The following RAB39A variants were observed in gnomAD, a reference collection of about 807,000 sequenced individuals.
RAB39A encodes the protein ras-related protein Rab-39A.
RAB39A carries 17 observed loss-of-function variants against 20.9 expected under a neutral mutation model. The observed-to-expected ratio is 0.81, with a 90% CI of 0.56 to 1.22. RAB39A has a LOEUF of 1.22. Ranked by LOEUF, RAB39A falls within the 50% of genes most tolerant of loss-of-function variation. The probability of loss-of-function intolerance (pLI) is 0.00; values close to 1 mark genes in which losing one functional copy is unlikely to be tolerated. For synonymous variants in RAB39A, 99 were observed against 103.4 expected, an observed-to-expected ratio of 0.96 and a Z score of 0.26; for missense variants, 234 against 270.5, an observed-to-expected ratio of 0.87 and a Z score of 0.95.
At chr11:107,941,115 T>C (rs1452183681) in intron 1 of RAB39A, among the ~76,000 whole-genome samples, 1 of 152,178 alleles carries the variant, frequency 6.6e-6, no homozygotes, top group Non-Finnish European at 1.5e-5. Context: ...CATTTTTCTT[T>C]ACAGTAGCAT....
intron 1 of RAB39A, among the ~76,000 whole-genome samples, chr11:107,929,915 A>T (rs997082215): frequency 1.3e-5 from 2 of 152,320 alleles, no homozygotes; most frequent in African/African-American, 4.8e-5. Flanking sequence ...ATTTTGCGTT[A>T]GTCAGCAAGT....
chr11:107,938,129 G>A (rs189540432), intron 1 of RAB39A, among the ~76,000 whole-genome samples: 1 of 151,612 alleles, frequency 6.6e-6, no homozygotes, highest in Non-Finnish European at 1.5e-5. Context: ...TTGGGAGGCC[G>A]AGCCGGGCGG....
chr11:107,941,529 A>T (rs1861258629), intron 1 of RAB39A, among the ~76,000 whole-genome samples: 1 of 152,218 alleles, frequency 6.6e-6, no homozygotes, highest in South Asian at 2.1e-4. Context: ...GAGAGTCCCT[A>T]ATTTTTGTCC....
chr11:107,935,397 CAG>C (rs1281921550), intron 1 of RAB39A, among the ~76,000 whole-genome samples: 1 of 149,646 alleles, frequency 6.7e-6, no homozygotes, highest in Non-Finnish European at 1.5e-5. Flanking sequence ...TTTTTGGAGA[CAG>C]AGTCTGGCTC....
chr11:107,957,812 T>C (rs2134974162), intron 1 of RAB39A, among the ~76,000 whole-genome samples: 1 of 152,308 alleles, frequency 6.6e-6, no homozygotes, highest in African/African-American at 2.4e-5. Context: ...CCTTCCTTGC[T>C]TCTGTTCTTT....
chr11:107,928,704 G>A lies in RAB39A; in HGVS notation c.136G>A (p.Gly46Ser). 2 of 1,611,316 alleles carry A rather than the reference G, an allele frequency of 1.2e-6. No individual in the cohort carries two copies. The highest frequency in any genetic ancestry group is 2.2e-5 in the South Asian group (2 of 90,700). ...LRSPACDPTV[G>S]VDFFSRLLEI... ...CTCCCCCGCCTGCGACCCCACCGTCGGCGTGGACTTCTTCTCCCGCCTGCT... is the reference window on the plus strand; with the variant it reads ...CTCCCCCGCCTGCGACCCCACCGTCAGCGTGGACTTCTTCTCCCGCCTGCT... The change falls in exon 1 of 2, where the codon GGC becomes AGC. Residue 46 changes from glycine to serine, a missense_variant. Physicochemically the swap from Gly to Ser is moderately conservative, Grantham distance 56. Transcript: ENST00000320578. The surrounding 1 kb of genome is among the most constrained non-coding windows in gnomAD (Gnocchi z 4.9).
In RAB39A at chr11:107,962,241, A is replaced by G. The variant is rs146648885; in HGVS notation, c.523A>G (p.Ile175Val). The stretch of plus-strand genomic sequence containing the variant: ...ATCCTTCACAATCTTGACGAGAGAC[A>G]TATATGAACTTATTAAAAAGGGAGA... The part of the protein sequence containing the change: ...EESFTILTRD[I>V]YELIKKGEIC... The change falls in exon 2 of 2, where the codon ATA becomes GTA. Residue 175 changes from isoleucine (I) to valine (V), a missense_variant. Physicochemically the swap from Ile to Val is conservative, Grantham distance 29. Coordinates refer to ENST00000320578, the MANE Select transcript of RAB39A (RefSeq NM_017516.3). The G allele has an allele frequency of 1.0e-4, 163 of 1,614,000 alleles. No homozygotes were observed. In the African/African-American group the frequency reaches 1.8e-3, roughly 18 times the overall value.
chr11:107,933,431 G>T (rs1398336480), intron 1 of RAB39A, among the ~76,000 whole-genome samples: 1 of 137,592 alleles, frequency 7.3e-6, no homozygotes, highest in Non-Finnish European at 1.5e-5. Flanking sequence ...CCTGGGGCTG[G>T]AGTGCAGTGA....
chr11:107,946,830 T>C (rs11212455), intron 1 of RAB39A, among the ~76,000 whole-genome samples: 6 of 151,692 alleles, frequency 4.0e-5, no homozygotes, highest in Non-Finnish European at 5.9e-5. Context: ...GCTCACACCT[T>C]TAATCCTAGC....
intron 1 of RAB39A, among the ~76,000 whole-genome samples, chr11:107,955,370 C>T (rs913092620): frequency 9.9e-5 from 15 of 152,168 alleles, no homozygotes; most frequent in Admixed American, 2.0e-4. Context: ...GATGAGCATT[C>T]CAGGCTGCTA....
chr11:107,937,830 T>C (rs895941012), intron 1 of RAB39A, among the ~76,000 whole-genome samples: 26 of 152,170 alleles, frequency 1.7e-4, no homozygotes, highest in African/African-American at 6.3e-4. Context: ...AGAAAAAATA[T>C]CTCATTGACT....
chr11:107,939,482 G>T (rs1861237606), intron 1 of RAB39A, among the ~76,000 whole-genome samples: 1 of 151,034 alleles, frequency 6.6e-6, no homozygotes, highest in Admixed American at 6.6e-5. Context: ...GGGCATGGTG[G>T]CAGGCGCCTG....
chr11:107,947,047 GA>G (rs202011166), intron 1 of RAB39A, among the ~76,000 whole-genome samples: 5 of 147,350 alleles, frequency 3.4e-5, no homozygotes, highest in South Asian at 2.1e-4. Context: ...ATATAAAGTT[GA>G]AAAAAAAAAT....
At chr11:107,944,360 G>A (rs1861289250) in intron 1 of RAB39A, among the ~76,000 whole-genome samples, 1 of 152,114 alleles carries the variant, frequency 6.6e-6, no homozygotes, top group Non-Finnish European at 1.5e-5. Context: ...GTCTCTCGAT[G>A]GGTTGCTATG....
intron 1 of RAB39A, among the ~76,000 whole-genome samples, chr11:107,938,564 T>TA (rs5794580): frequency 0.59 from 56,546 of 95,102 alleles, 16,827 homozygotes; most frequent in East Asian, 0.75. Flanking sequence ...ACCTCGTCTA[T>TA]AAAAAAAAAA....
chr11:107,946,630 G>A (rs1421155861), intron 1 of RAB39A, among the ~76,000 whole-genome samples: 4 of 149,390 alleles, frequency 2.7e-5, no homozygotes, highest in African/African-American at 2.5e-5. Flanking sequence ...CCGCCACCAC[G>A]CCCAGCTAAT....
chr11:107,939,243 C>CAAAA (rs138488479), intron 1 of RAB39A, among the ~76,000 whole-genome samples: 12 of 68,500 alleles, frequency 1.8e-4, no homozygotes, highest in Middle Eastern at 0.012. Context: ...GACTCTGTCT[C>CAAAA]AAAAAAAAAA....
At chr11:107,939,036 G>A (rs1240129975) in intron 1 of RAB39A, among the ~76,000 whole-genome samples, 4 of 150,784 alleles carry the variant, frequency 2.7e-5, no homozygotes, top group African/African-American at 4.9e-5. Flanking sequence ...GTGGTCAGGA[G>A]TTCAAGACCA....
At chr11:107,960,208 TC>T (rs1861481477) in intron 1 of RAB39A, among the ~76,000 whole-genome samples, 3 of 112,534 alleles carry the variant, frequency 2.7e-5, no homozygotes, top group African/African-American at 1.1e-4. Context: ...AGACTCCATC[TC>T]AAAAAAAAAA....
Sources: allele counts gnomAD v4.1 joint callset (sites outside exome capture counted in the v4.1 genomes callset), GRCh38; gene constraint gnomAD v4.1.1; non-coding constraint Gnocchi (gnomAD v3.1); transcripts MANE v1.5; gene names NCBI Gene and HGNC (gene_info 2026-07-23, HGNC 2026-07-21).